Variants in ADCY3 observed in about 807,000 individuals in gnomAD.
The protein encoded by ADCY3 is adenylate cyclase type 3.
In ADCY3, 70 loss-of-function variants were observed where a neutral mutation model predicts 119.4. That is an observed-to-expected ratio of 0.59 (90% CI 0.48 to 0.72). The LOEUF (loss-of-function observed/expected upper bound fraction) is 0.72. Among genes scored for constraint, ADCY3 ranks in the 30% least tolerant of loss-of-function variants. The pLI is 0.00. For synonymous variants in ADCY3, 672 were observed against 621.4 expected, an observed-to-expected ratio of 1.08 and a Z score of -1.21; for missense variants, 1,238 against 1,541.6, an observed-to-expected ratio of 0.80 and a Z score of 3.30.
rs1558528951 is a variant in ADCY3, at chr2:24,912,586, CATGTGTGTGTGTGTGTGCATGTGTGT to C, written c.675+5701_675+5726del. Reference sequence around the variant, plus strand: ...GTGTGTGCATGTGTGTGTGTGTGTGCATGTGTGTGTGTGTGTGCATGTGTGTGTGTGTGTGTGTGCCTGCATGTGCA... The same window carrying C: ...GTGTGTGCATGTGTGTGTGTGTGTGCGTGTGTGTGTGTGCCTGCATGTGCA... On this transcript the variant is annotated intron_variant, in intron 2 of 21. Coordinates refer to ENST00000679454, the MANE Select transcript of ADCY3 (RefSeq NM_004036.5). Among the ~76,000 whole-genome samples the C allele has an allele frequency of 2.0e-5, 2 of 102,016 alleles. 1 individual carries two copies. Among genetic ancestry groups the C allele is most frequent in the Non-Finnish European group, 4.3e-5 (2 of 46,040 alleles). 66.9% of individuals were successfully genotyped at this position (102,016 alleles called of 152,430 possible). A position where few individuals can be genotyped will look rare whatever the true frequency, so the allele number is the denominator to read the frequency against.
At chr2:24,820,495 A>G in intron 21 of ADCY3, 2 of 1,398,074 alleles carry the variant, frequency 1.4e-6, no homozygotes, top group Non-Finnish European at 1.9e-6. Context: ...ACCCAAAGGT[A>G]GGCCATATGC....
chr2:24,863,579 G>A (rs1268008353), intron 3 of ADCY3, among the ~76,000 whole-genome samples: 1 of 152,176 alleles, frequency 6.6e-6, no homozygotes, highest in Non-Finnish European at 1.5e-5. Context: ...AGAGATGGAG[G>A]TCTCACTATG....
In ADCY3 at chr2:24,842,992, G is replaced by A. The variant is rs1671223979; in HGVS notation, c.826-608C>T. On this transcript the variant is annotated intron_variant, in intron 3 of 21. Transcript: ENST00000679454. The surrounding 1 kb of genome is among the most constrained non-coding windows in gnomAD (Gnocchi z 4.9). ...GGCGCAAGAGAGAAGCAGGGGCCAA[G>A]GTCGGCCGGGGAGGAGGCATCAAGG... is the stretch of plus-strand genomic sequence containing the variant. 6.6e-6 allele frequency among the ~76,000 whole-genome samples: 1 copy of A among 152,226 alleles called. No homozygotes were observed.
rs142991177 is a variant in ADCY3, at chr2:24,831,663, C to G, written c.2054G>C (p.Arg685Pro). 6 of 1,613,472 alleles carry G rather than the reference C, an allele frequency of 3.7e-6. No individual in the cohort carries two copies. The African/African-American group carries it at 5.3e-5, about 14-fold the overall frequency. Residue 685 changes from arginine to proline, a missense_variant and splice_region_variant, in exon 12 of 22, where the codon CGG (arginine) becomes CCG (proline). Arg to Pro is a moderately radical substitution (Grantham distance 103). Transcript: ENST00000679454. ...TICSLAAIFPRAFPKKLVAFS... is the reference protein window; with the variant it reads ...TICSLAAIFPPAFPKKLVAFS... ...GCTCAGTAGAAAAGTGCCTCTTACC[C>G]GGGGAAAGATGGCAGCCAGGGAGCA...
At chr2:24,825,322 C>T (rs1327799767) in intron 16 of ADCY3, among the ~76,000 whole-genome samples, 5 of 95,976 alleles carry the variant, frequency 5.2e-5, no homozygotes, top group Non-Finnish European at 1.0e-4. Context: ...CGGTTGAGTG[C>T]GGTGGTTGTG....
At position 24,878,323 on chromosome 2, in the gene ADCY3, G is replaced by A. The variant is rs977829142; in HGVS notation, c.676-5604C>T. ...GTTTACGCATCGCAAGATCCTTCAC[G>A]TTTGCTAACAACCCGTAGGGAAATG... On this transcript the variant is annotated intron_variant, in intron 2 of 21. Transcript: ENST00000679454. The surrounding 1 kb of genome is among the most constrained non-coding windows in gnomAD (Gnocchi z 4.0). 1.3e-5 allele frequency among the ~76,000 whole-genome samples: 2 copies of A among 152,088 alleles called. No individual in the cohort carries two copies. Among genetic ancestry groups the A allele is most frequent in the South Asian group, 2.1e-4 (1 of 4,816 alleles).
At chr2:24,823,685 C>T (rs1379178817) in intron 17 of ADCY3, among the ~76,000 whole-genome samples, 2 of 121,782 alleles carry the variant, frequency 1.6e-5, no homozygotes, top group East Asian at 2.8e-4. Context: ...AATAGCTCAT[C>T]GCTACTTTTT....
At chr2:24,865,786 G>A (rs2148764562) in intron 3 of ADCY3, among the ~76,000 whole-genome samples, 1 of 152,218 alleles carries the variant, frequency 6.6e-6, no homozygotes, top group Non-Finnish European at 1.5e-5. Context: ...GCTCTTTAAA[G>A]GCAATGGAAA....
At chr2:24,875,422 C>T (rs1675564382) in intron 2 of ADCY3, among the ~76,000 whole-genome samples, 1 of 152,246 alleles carries the variant, frequency 6.6e-6, no homozygotes, top group African/African-American at 2.4e-5. Context: ...CTCACAGCCT[C>T]CAGGGCCAGG....
Position 24,834,049 on chromosome 2 carries a change from T to C in ADCY3, c.1967+436A>G, listed in dbSNP as rs1669962535. ...CACCTTGCCCTGGAGGACCTACTGC[T>C]GCGTTAGAGAGGGCGTCAGTCTGTG... is the stretch of plus-strand genomic sequence containing the variant. On this transcript the variant is annotated intron_variant, in intron 11 of 21. Coordinates refer to ENST00000679454, the MANE Select transcript of ADCY3 (RefSeq NM_004036.5). This position sits in a 1 kb window ranked among gnomAD's most constrained non-coding sequence, Gnocchi z 4.2. Among the ~76,000 whole-genome samples, 1 of 152,354 alleles carries C rather than the reference T, an allele frequency of 6.6e-6. No homozygotes were observed. The highest frequency in any genetic ancestry group is 2.1e-4 in the South Asian group (1 of 4,826).
intron 2 of ADCY3, among the ~76,000 whole-genome samples, chr2:24,910,830 A>G (rs1361580707): frequency 2.0e-5 from 3 of 151,984 alleles, no homozygotes; most frequent in Non-Finnish European, 4.4e-5. Context: ...GTATTTTAAT[A>G]GAGATAGGGT....
intron 2 of ADCY3, among the ~76,000 whole-genome samples, chr2:24,873,822 G>C (rs1299203629): frequency 1.6e-4 from 24 of 152,200 alleles, no homozygotes; most frequent in African/African-American, 5.8e-4. Flanking sequence ...CCCAGCCCTG[G>C]ATCCCCGACG....
At chr2:24,870,529 C>A (rs1333834700) in intron 3 of ADCY3, among the ~76,000 whole-genome samples, 4 of 152,140 alleles carry the variant, frequency 2.6e-5, no homozygotes, top group African/African-American at 7.2e-5. Context: ...CAACTCCCCC[C>A]ACACCTCTGC....
Position 24,875,616 on chromosome 2 carries a change from G to A in ADCY3, c.676-2897C>T, listed in dbSNP as rs566298796. ...GGGTGCTCACGCAGCGACGGGAGGC[G>A]AGGGTGGCAGCAGTGCTCCCAGGCA... On this transcript the variant is annotated intron_variant, in intron 2 of 21. Transcript: ENST00000679454. Among the ~76,000 whole-genome samples, 58 of 152,334 alleles carry A rather than the reference G, an allele frequency of 3.8e-4. 1 individual carries two copies. Among genetic ancestry groups the A allele is most frequent in the Non-Finnish European group, 6.6e-4 (45 of 68,022 alleles).
intron 2 of ADCY3, among the ~76,000 whole-genome samples, chr2:24,890,333 T>G (rs1294656701): frequency 6.6e-6 from 1 of 152,236 alleles, no homozygotes; most frequent in Non-Finnish European, 1.5e-5. Context: ...AATATTGAAT[T>G]CATAAAATAA....
chr2:24,827,638 C>T (rs374433056), intron 14 of ADCY3, 30 bp from the exon 15 acceptor site: 79 of 1,568,222 alleles, frequency 5.0e-5, no homozygotes, highest in Non-Finnish European at 6.3e-5. Context: ...ACAGTCAGGC[C>T]CCATCTGGGA....
At position 24,838,883 on chromosome 2, in the gene ADCY3, G is replaced by A. The variant is rs185768885; in HGVS notation, c.1356-261C>T. 8.2e-5 allele frequency: 130 copies of A among 1,594,636 alleles called. 1 individual carries two copies. The East Asian group carries it at 2.3e-3, about 28-fold the overall frequency. ...CCTCAGTGTTGGAGCCACGACACAGGAGTACAATCTTTCTTCAATCTTTGA... is the reference window on the plus strand; with the variant it reads ...CCTCAGTGTTGGAGCCACGACACAGAAGTACAATCTTTCTTCAATCTTTGA... On this transcript the variant is annotated intron_variant, in intron 7 of 21. Coordinates refer to ENST00000679454, the MANE Select transcript of ADCY3 (RefSeq NM_004036.5).
chr2:24,873,829 G>C (rs865971551), intron 2 of ADCY3, among the ~76,000 whole-genome samples: 1 of 152,194 alleles, frequency 6.6e-6, no homozygotes, highest in African/African-American at 2.4e-5. Flanking sequence ...CTGGATCCCC[G>C]ACGCCTCGCC....
At position 24,828,059 on chromosome 2, in the gene ADCY3, C is replaced by G; in HGVS notation, c.2275G>C (p.Val759Leu). 6.2e-7 allele frequency: 1 copy of G among 1,614,226 alleles called. No individual in the cohort carries two copies. Among genetic ancestry groups the G allele is most frequent in the Non-Finnish European group, 8.5e-7 (1 of 1,180,044 alleles). ...ENPKYYNYVAVLSLIATIMLV... is the reference protein window; with the variant it reads ...ENPKYYNYVALLSLIATIMLV... ...ATGATGGTGGCGATGAGGGACAGCA[C>G]GGCCACATAGTTGTAATACTTGGGG... Residue 759 changes from valine to leucine, a missense_variant, in exon 14 of 22, where the codon GTG becomes CTG. Physicochemically the swap from Val to Leu is conservative, Grantham distance 32. Transcript: ENST00000679454.
Sources: allele counts gnomAD v4.1 joint callset (sites outside exome capture counted in the v4.1 genomes callset), GRCh38; gene constraint gnomAD v4.1.1; non-coding constraint Gnocchi (gnomAD v3.1); transcripts MANE v1.5; gene names NCBI Gene and HGNC (gene_info 2026-07-23, HGNC 2026-07-21).